Variants in GORAB observed in about 807,000 individuals in gnomAD.
The protein encoded by GORAB is golgin, RAB6 interacting.
A neutral mutation model predicts 29.9 loss-of-function variants in GORAB; 17 were observed. The ratio of observed to expected loss-of-function variants is 0.57; its 90% CI spans 0.39 to 0.85. The LOEUF (loss-of-function observed/expected upper bound fraction) is 0.85. GORAB is among the 40% of genes least tolerant of loss of function. GORAB has a pLI of 0.00. For synonymous variants in GORAB, 183 were observed against 157.2 expected, an observed-to-expected ratio of 1.16 and a Z score of -1.23; for missense variants, 442 against 437.8, an observed-to-expected ratio of 1.01 and a Z score of -0.09.
chr1:170,535,648 C>G (rs913034317), intron 1 of GORAB, among the ~76,000 whole-genome samples: 1 of 152,178 alleles, frequency 6.6e-6, no homozygotes, highest in Non-Finnish European at 1.5e-5. Context: ...TCAAGCGATC[C>G]TCCTGCCTCA....
intron 2 of GORAB, among the ~76,000 whole-genome samples, chr1:170,541,749 C>G (rs1313608086): frequency 6.6e-6 from 1 of 152,092 alleles, no homozygotes; most frequent in African/African-American, 2.4e-5. Context: ...TACATGTTTT[C>G]ACATCTTTGA....
In GORAB at chr1:170,553,369, A is replaced by G; in HGVS notation, c.*907A>G. 1 of 452,530 alleles carries G rather than the reference A, an allele frequency of 2.2e-6. No individual in the cohort carries two copies. Among genetic ancestry groups the G allele is most frequent in the East Asian group, 7.0e-5 (1 of 14,384 alleles). 28.0% of individuals were successfully genotyped at this position (452,530 alleles called of 1,614,324 possible). A position where few individuals can be genotyped will look rare whatever the true frequency, so the allele number is the denominator to read the frequency against. On this transcript the variant is annotated 3_prime_UTR_variant, in exon 5 of 5. Coordinates refer to ENST00000367763, the MANE Select transcript of GORAB (RefSeq NM_152281.3). Reference sequence around the variant, plus strand: ...TGCTGATTTTCTTATTAGTTTGTTAATTGCCTGTTACTAGTACTTGACCAA... The same window carrying G: ...TGCTGATTTTCTTATTAGTTTGTTAGTTGCCTGTTACTAGTACTTGACCAA...
At chr1:170,545,043 C>A in intron 4 of GORAB, 198 bp downstream of exon 4, 1 of 1,296,204 alleles carries the variant, frequency 7.7e-7, no homozygotes, top group Non-Finnish European at 9.8e-7. Flanking sequence ...TACTAGTTAA[C>A]CTTGTTCGTG....
chr1:170,542,523 A>G lies in GORAB; in HGVS notation c.452A>G (p.Gln151Arg). 6.2e-7 allele frequency: 1 copy of G among 1,613,834 alleles called. No homozygotes were observed. The highest frequency in any genetic ancestry group is 8.5e-7 in the Non-Finnish European group (1 of 1,179,784). The change falls in exon 3 of 5, where the codon CAA (glutamine) becomes CGA (arginine). Residue 151 changes from glutamine (Q) to arginine (R), a missense_variant. By Grantham distance (43) the Gln-to-Arg change is conservative. Coordinates refer to ENST00000367763, the MANE Select transcript of GORAB (RefSeq NM_152281.3). Reference sequence around the variant, plus strand: ...AAATCTCGTTGGGAAGTCCTCCAACAAGAACAACGGCTAATGGAAGAGAAA... The same window carrying G: ...AAATCTCGTTGGGAAGTCCTCCAACGAGAACAACGGCTAATGGAAGAGAAA... The part of the protein sequence containing the change: ...QEKSRWEVLQ[Q>R]EQRLMEEKNK...
Position 170,552,322 on chromosome 1 carries a change from A to G in GORAB, c.970A>G (p.Lys324Glu), listed in dbSNP as rs1558012691. ...AEESVTLEFA[K>E]ENRKCQEQAV... The stretch of plus-strand genomic sequence containing the variant: ...GGAGAGTGTGACATTAGAATTTGCT[A>G]AAGAGAACAGAAAGTGTCAAGAACA... The change falls in exon 5 of 5, where the codon AAA becomes GAA. Residue 324 changes from lysine to glutamate, a missense_variant. Coordinates refer to ENST00000367763, the MANE Select transcript of GORAB (RefSeq NM_152281.3). 2.5e-6 allele frequency: 4 copies of G among 1,614,050 alleles called. No individual in the cohort carries two copies. In the Admixed American group the frequency reaches 5.0e-5, roughly 20 times the overall value.
At chr1:170,541,849 A>G (rs892016462) in intron 2 of GORAB, among the ~76,000 whole-genome samples, 1 of 152,094 alleles carries the variant, frequency 6.6e-6, no homozygotes, top group Non-Finnish European at 1.5e-5. Flanking sequence ...ACAGTGGCTC[A>G]CACCTGTAAT....
intron 4 of GORAB, among the ~76,000 whole-genome samples, chr1:170,550,080 C>T (rs1016288861): frequency 4.6e-5 from 7 of 152,092 alleles, no homozygotes; most frequent in Admixed American, 2.0e-4. Context: ...GTCACTGTGC[C>T]GGAATTTTCA....
At chr1:170,539,824 C>T (rs954484503) in intron 2 of GORAB, among the ~76,000 whole-genome samples, 26 of 152,234 alleles carry the variant, frequency 1.7e-4, no homozygotes, top group Admixed American at 6.5e-5. Flanking sequence ...AAACTTTATA[C>T]ATGAGGTATC....
chr1:170,541,871 G>A (rs1306837832), intron 2 of GORAB, among the ~76,000 whole-genome samples: 3 of 152,090 alleles, frequency 2.0e-5, no homozygotes, highest in African/African-American at 7.2e-5. Flanking sequence ...CCAGCACTTA[G>A]GGAGGCAGAG....
intron 3 of GORAB, 94 bp from the exon 4 acceptor site, chr1:170,544,611 G>A (rs1328773513): frequency 4.7e-6 from 4 of 845,426 alleles, no homozygotes; most frequent in Admixed American, 2.1e-5. Context: ...AATTATAAAT[G>A]TATATGCAGT....
chr1:170,543,006 G>A (rs1281623064), intron 3 of GORAB, among the ~76,000 whole-genome samples: 1 of 152,168 alleles, frequency 6.6e-6, no homozygotes, highest in African/African-American at 2.4e-5. Context: ...ATACTCCCAT[G>A]AATCTTAATT....
In GORAB at chr1:170,548,374, CT is replaced by C. The variant is rs1444208474; in HGVS notation, c.662+3534del. On this transcript the variant is annotated intron_variant, in intron 4 of 4. Transcript: ENST00000367763. ...CTCAAAACCTTTATCTTAATCACATCTTTTTCCATATAAGATAATTTTCACT... is the reference window on the plus strand; with the variant it reads ...CTCAAAACCTTTATCTTAATCACATCTTTTCCATATAAGATAATTTTCACT... 5.9e-5 allele frequency among the ~76,000 whole-genome samples: 9 copies of C among 152,164 alleles called. No individual in the cohort carries two copies. In the East Asian group the frequency reaches 1.3e-3, roughly 23 times the overall value.
chr1:170,550,196 G>A (rs6427261), intron 4 of GORAB, among the ~76,000 whole-genome samples: 142,355 of 152,238 alleles, frequency 0.94, 67,267 homozygotes, highest in East Asian at 1. Flanking sequence ...ATGGGCTACC[G>A]ACTCCAGTAC....
chr1:170,534,570 T>C (rs1479757020), intron 1 of GORAB, among the ~76,000 whole-genome samples: 2 of 152,180 alleles, frequency 1.3e-5, no homozygotes, highest in South Asian at 2.1e-4. Flanking sequence ...GGACCACATA[T>C]ATGGTGATGG....
At chr1:170,548,838 A>G (rs75789073) in intron 4 of GORAB, among the ~76,000 whole-genome samples, 1,652 of 152,322 alleles carry the variant, frequency 0.011, 34 homozygotes, top group African/African-American at 0.037. Flanking sequence ...ATCCTATAAT[A>G]TATCTTAGAT....
Position 170,553,502 on chromosome 1 carries a change from T to C in GORAB, c.*1040T>C, listed in dbSNP as rs996994154. On this transcript the variant is annotated 3_prime_UTR_variant, in exon 5 of 5. Coordinates refer to ENST00000367763, the MANE Select transcript of GORAB (RefSeq NM_152281.3). ...TCAGAAATTCCAAAAAGTAAAAATA[T>C]TACCTTTGAGGACTTTTTTTTTTTA... 1.6e-5 allele frequency: 7 copies of C among 431,474 alleles called. No individual in the cohort carries two copies. The highest frequency in any genetic ancestry group is 3.2e-5 in the Non-Finnish European group (7 of 220,820). The allele number at this position is 431,474 out of a possible 1,614,324, so 26.7% of individuals were successfully genotyped here.
intron 1 of GORAB, chr1:170,532,618 C>A (rs914501329): frequency 3.9e-5 from 13 of 331,710 alleles, no homozygotes; most frequent in African/African-American, 2.3e-4. Flanking sequence ...CAGGAATCAA[C>A]GGTTGGAAGG....
At chr1:170,533,849 C>A (rs1648873605) in intron 1 of GORAB, among the ~76,000 whole-genome samples, 1 of 152,036 alleles carries the variant, frequency 6.6e-6, no homozygotes, top group African/African-American at 2.4e-5. Context: ...CCTTGTATAC[C>A]CGTAGCTAAA....
At chr1:170,550,009 G>A (rs1020655882) in intron 4 of GORAB, among the ~76,000 whole-genome samples, 1 of 152,142 alleles carries the variant, frequency 6.6e-6, no homozygotes, top group Admixed American at 6.6e-5. Context: ...ACTCCTATGA[G>A]GTATTATTAT....
Sources: gnomAD v4.1 joint callset for allele counts (sites outside exome capture counted in the v4.1 genomes callset) on GRCh38, gnomAD v4.1.1 for gene constraint, MANE v1.5 for transcripts, NCBI Gene and HGNC (gene_info 2026-07-23, HGNC 2026-07-21) for gene names.